RNPEP: variants seen among roughly 807,000 people sequenced by gnomAD.
RNPEP encodes the protein aminopeptidase B.
Under a neutral mutation model 70.1 loss-of-function variants are expected in RNPEP, and 57 were observed. The observed-to-expected ratio is 0.81, with a 90% confidence interval of 0.66 to 1.01. The LOEUF (loss-of-function observed/expected upper bound fraction) is 1.01, where lower values mean the gene tolerates loss of function less well. Ranked by LOEUF, RNPEP falls within the 50% of genes least tolerant of loss-of-function variation. The pLI, the probability that RNPEP is intolerant of heterozygous loss-of-function variation, is 0.00. For missense variants in RNPEP, 787 were observed against 852.4 expected (o/e 0.92, Z 0.96); for synonymous variants, 335 against 357.4 (o/e 0.94, Z 0.71).
At chr1:201,989,782 G>A (rs183489476) in intron 3 of RNPEP, among the ~76,000 whole-genome samples, 10 of 152,106 alleles carry the variant, frequency 6.6e-5, no homozygotes, top group East Asian at 1.9e-4. Flanking sequence ...TAGCAGTAGC[G>A]CTGTCCTGGG....
At chr1:201,992,285 G>A (rs199516675) in intron 3 of RNPEP, among the ~76,000 whole-genome samples, 3 of 152,034 alleles carry the variant, frequency 2.0e-5, no homozygotes, top group South Asian at 2.1e-4. Flanking sequence ...CTCCCACCTC[G>A]GCCTCCCAAA....
chr1:202,002,449 G>T (rs966048053), intron 8 of RNPEP, among the ~76,000 whole-genome samples: 5 of 152,130 alleles, frequency 3.3e-5, no homozygotes, highest in Non-Finnish European at 5.9e-5. Context: ...GGCGTGAGCC[G>T]CTGTGCCCAG....
intron 1 of RNPEP, among the ~76,000 whole-genome samples, chr1:201,987,627 A>G (rs4950753): frequency 0.95 from 143,857 of 151,064 alleles, 68,892 homozygotes; most frequent in East Asian, 1. Flanking sequence ...TAGTAGCAAC[A>G]GGGTTTTACC....
chr1:201,990,736 A>G (rs1443543350), intron 3 of RNPEP, among the ~76,000 whole-genome samples: 1 of 152,236 alleles, frequency 6.6e-6, no homozygotes, highest in African/African-American at 2.4e-5. Context: ...ATTCAAAACA[A>G]TACCAGTCTG....
At chr1:202,003,199 C>T in intron 8 of RNPEP, 38 bp from the exon 9 acceptor site, 2 of 1,525,276 alleles carry the variant, frequency 1.3e-6, no homozygotes, top group East Asian at 2.3e-5. Context: ...GTAACCTGGC[C>T]AGAGAATTCT....
chr1:202,000,617 C>T lies in RNPEP; in HGVS notation c.1204+602C>T, dbSNP rs577674892. Among the ~76,000 whole-genome samples the T allele has an allele frequency of 4.6e-5, 7 of 152,262 alleles. No individual in the cohort carries two copies. The South Asian group carries it at 1.2e-3, about 27-fold the overall frequency. ...TTTTAGCCTGGAACAGCTGTAAAAA[C>T]AACACATTGGCTGGGCATGGTGGTT... On this transcript the variant is annotated intron_variant, in intron 6 of 10. Coordinates refer to ENST00000295640, the MANE Select transcript of RNPEP (RefSeq NM_020216.4).
At chr1:201,999,272 G>A (rs1022282833) in intron 5 of RNPEP, among the ~76,000 whole-genome samples, 24 of 151,916 alleles carry the variant, frequency 1.6e-4, no homozygotes, top group Non-Finnish European at 2.9e-4. Context: ...GGCTGGGCGT[G>A]GTGGTTCACG....
At chr1:201,999,735 G>C (rs1161529782) in intron 5 of RNPEP, among the ~76,000 whole-genome samples, 167 bp from the exon 6 acceptor site, 1 of 152,108 alleles carries the variant, frequency 6.6e-6, no homozygotes, top group African/African-American at 2.4e-5. Context: ...CTCTGTAACT[G>C]TCCCTATTTG....
intron 1 of RNPEP, chr1:201,983,724 A>G (rs2102957138): frequency 1.8e-6 from 2 of 1,139,764 alleles, no homozygotes; most frequent in South Asian, 1.9e-5. Flanking sequence ...TATAAGCATT[A>G]TAATAATTTG....
At chr1:201,990,764 C>T (rs1340978848) in intron 3 of RNPEP, among the ~76,000 whole-genome samples, 1 of 152,168 alleles carries the variant, frequency 6.6e-6, no homozygotes, top group African/African-American at 2.4e-5. Context: ...AAAGTGCCCT[C>T]CTCTTACGAA....
intron 4 of RNPEP, 59 bp from the exon 5 acceptor site, chr1:201,997,260 G>T: frequency 7.7e-7 from 1 of 1,300,672 alleles, no homozygotes; most frequent in Non-Finnish European, 1.1e-6. Flanking sequence ...AAAGGGAGGC[G>T]AGGTAGGGTC....
rs546106947 is a variant in RNPEP, at chr1:201,982,654, C to G, written c.-13C>G. On this transcript the variant is annotated 5_prime_UTR_variant, in exon 1 of 11. Transcript: ENST00000295640. ...GGTTCGCGGCCCGGCCGGTGAGCAA[C>G]GGCTCTGCGGCCATGGCGAGCGGCG... 1.6e-6 allele frequency: 2 copies of G among 1,270,254 alleles called. No homozygotes were observed. The highest frequency in any genetic ancestry group is 4.2e-5 in the Admixed American group (1 of 23,648). The allele number at this position is 1,270,254 out of a possible 1,614,324, so 78.7% of individuals were successfully genotyped here.
At chr1:201,993,778 C>CAACA (rs1004126257) in intron 3 of RNPEP, among the ~76,000 whole-genome samples, 1 of 152,104 alleles carries the variant, frequency 6.6e-6, no homozygotes, top group Non-Finnish European at 1.5e-5. Context: ...GACTCCGTCT[C>CAACA]AACAAACAAA....
Position 202,005,820 on chromosome 1 carries a change from C to T in RNPEP, c.*104C>T, listed in dbSNP as rs1275207477. ...CTGATCAACTTCCTGGAGTTTATAT[C>T]CCCTCAGGATAATCTATTCTCTAGC... On this transcript the variant is annotated 3_prime_UTR_variant, in exon 11 of 11. Coordinates refer to ENST00000295640, the MANE Select transcript of RNPEP (RefSeq NM_020216.4). 1.5e-6 allele frequency: 2 copies of T among 1,313,938 alleles called. No individual in the cohort carries two copies. Among genetic ancestry groups the T allele is most frequent in the Admixed American group, 3.6e-5 (2 of 56,252 alleles). 81.4% of individuals were successfully genotyped at this position (1,313,938 alleles called of 1,614,324 possible). A position where few individuals can be genotyped will look rare whatever the true frequency, so the allele number is the denominator to read the frequency against.
At position 201,989,409 on chromosome 1, in the gene RNPEP, G is replaced by A. The variant is rs1253957565; in HGVS notation, c.615G>A (p.Met205Ile). 1 of 1,614,044 alleles carries A rather than the reference G, an allele frequency of 6.2e-7. No individual in the cohort carries two copies. The highest frequency in any genetic ancestry group is 8.5e-7 in the Non-Finnish European group (1 of 1,180,030). ...TCCCAGATGGCTTCACAGCTGTGAT[G>A]AGTGCTAGCACCTGGGAGAAGAGAG... ...IEVPDGFTAV[M>I]SASTWEKRGP... The change falls in exon 3 of 11, where the codon ATG becomes ATA. Residue 205 changes from methionine to isoleucine, a missense_variant. Transcript: ENST00000295640.
intron 2 of RNPEP, 64 bp from the exon 3 acceptor site, chr1:201,989,319 T>G (rs1246452591): frequency 7.6e-6 from 12 of 1,577,644 alleles, no homozygotes; most frequent in Non-Finnish European, 1.0e-5. Context: ...GTCATGCTCT[T>G]ATTCAAACTA....
At chr1:201,995,928 G>A (rs759942682) in intron 3 of RNPEP, 2 of 545,838 alleles carry the variant, frequency 3.7e-6, no homozygotes, top group African/African-American at 1.9e-5. Flanking sequence ...TGCGTAGCAC[G>A]GTTCCACCTC....
chr1:201,989,138 A>G lies in RNPEP; in HGVS notation c.588+94A>G. The G allele has an allele frequency of 2.0e-6, 3 of 1,472,200 alleles. No homozygotes were observed. The East Asian group carries it at 6.9e-5, about 34-fold the overall frequency. 91.2% of individuals were successfully genotyped at this position (1,472,200 alleles called of 1,614,324 possible). A position where few individuals can be genotyped will look rare whatever the true frequency, so the allele number is the denominator to read the frequency against. ...TCACGTTTCAGTGGTAAATTATTAT[A>G]TCCATTCAGTGGTACTTCTGAAAAA... is the stretch of plus-strand genomic sequence containing the variant. On this transcript the variant is annotated intron_variant, in intron 2 of 10. Coordinates refer to ENST00000295640, the MANE Select transcript of RNPEP (RefSeq NM_020216.4).
rs946414837 is a variant in RNPEP at position 201,983,717 on chromosome 1, A to G, written c.447+604A>G. On this transcript the variant is annotated intron_variant, in intron 1 of 10. Transcript: ENST00000295640. Reference sequence around the variant, plus strand: ...GTGAGAACTGGAATTAGGGTGCTATAAGCATTATAATAATTTGGCCTTCTC... The same window carrying G: ...GTGAGAACTGGAATTAGGGTGCTATGAGCATTATAATAATTTGGCCTTCTC... 25 of 1,155,126 alleles carry G rather than the reference A, an allele frequency of 2.2e-5. No individual in the cohort carries two copies. In the Admixed American group the frequency reaches 7.6e-4, roughly 35 times the overall value. The allele number at this position is 1,155,126 out of a possible 1,614,324, so 71.6% of individuals were successfully genotyped here. A position where few individuals can be genotyped will look rare whatever the true frequency, so the allele number is the denominator to read the frequency against.
Sources: allele counts gnomAD v4.1 joint callset (sites outside exome capture counted in the v4.1 genomes callset), GRCh38; gene constraint gnomAD v4.1.1; transcripts MANE v1.5; gene names NCBI Gene and HGNC (gene_info 2026-07-23, HGNC 2026-07-21).